The following CRKL variants were observed in gnomAD, a reference collection of about 807,000 sequenced individuals.
CRKL encodes crk-like protein.
A neutral mutation model predicts 23.0 loss-of-function variants in CRKL; 3 were observed. The observed-to-expected ratio is 0.13, with a 90% confidence interval of 0.06 to 0.34. CRKL has a LOEUF of 0.34. Ranked by LOEUF, CRKL falls within the 10% of genes least tolerant of loss-of-function variation. CRKL has a pLI of 1.00. For synonymous variants in CRKL, 188 were observed against 160.7 expected (o/e 1.17, Z -1.28); for missense variants, 256 against 394.5 (o/e 0.65, Z 2.97).
intron 2 of CRKL, among the ~76,000 whole-genome samples, chr22:20,945,436 C>G (rs895215555): frequency 2.0e-5 from 3 of 151,942 alleles, no homozygotes; most frequent in Non-Finnish European, 2.9e-5. Flanking sequence ...TTCCAAAAGC[C>G]CACATACTCT....
At position 20,953,450 on chromosome 22, in the gene CRKL, A is replaced by G; in HGVS notation, c.*3605A>G. Reference sequence around the variant, plus strand: ...AACAACAACAACAACAACAACAACAACATAAAACTCTTTTGACCTGTAACT... The same window carrying G: ...AACAACAACAACAACAACAACAACAGCATAAAACTCTTTTGACCTGTAACT... On this transcript the variant is annotated 3_prime_UTR_variant, in exon 3 of 3. Coordinates refer to ENST00000354336, the MANE Select transcript of CRKL (RefSeq NM_005207.4). The G allele has an allele frequency of 4.6e-6, 1 of 216,088 alleles. No individual in the cohort carries two copies. Among genetic ancestry groups the G allele is most frequent in the Non-Finnish European group, 9.1e-6 (1 of 109,308 alleles). 13.4% of individuals were successfully genotyped at this position (216,088 alleles called of 1,614,324 possible).
chr22:20,925,186 C>CA (rs11451684), intron 1 of CRKL, among the ~76,000 whole-genome samples: 62,996 of 100,988 alleles, frequency 0.62, 19,812 homozygotes, highest in South Asian at 0.79. Flanking sequence ...GACTCCGTCT[C>CA]AAAAAAAAAA....
rs561130450 is a variant in CRKL, at chr22:20,952,119, G to T, written c.*2274G>T. On this transcript the variant is annotated 3_prime_UTR_variant, in exon 3 of 3. Coordinates refer to ENST00000354336, the MANE Select transcript of CRKL (RefSeq NM_005207.4). ...CCATGAGTGGAGTTTCCAACAGAGG[G>T]AGGAATGTGTGCCTTGTTCAAGGAG... 1.7e-4 allele frequency: 39 copies of T among 227,042 alleles called. No homozygotes were observed. Among genetic ancestry groups the T allele is most frequent in the African/African-American group, 8.2e-4 (36 of 43,790 alleles). The allele number at this position is 227,042 out of a possible 1,614,324, so 14.1% of individuals were successfully genotyped here.
rs1055381400 is a variant in CRKL at position 20,950,294 on chromosome 22, A to C, written c.*449A>C. On this transcript the variant is annotated 3_prime_UTR_variant, in exon 3 of 3. Transcript: ENST00000354336. ...GACAACAGGAAGTGAACCTTAAGGA[A>C]GAGAGAATTCTGTTCTAAAACTCCA... 1 of 234,676 alleles carries C rather than the reference A, an allele frequency of 4.3e-6. No homozygotes were observed. Among genetic ancestry groups the C allele is most frequent in the African/African-American group, 2.2e-5 (1 of 45,224 alleles). The allele number at this position is 234,676 out of a possible 1,614,324, so 14.5% of individuals were successfully genotyped here. A position where few individuals can be genotyped will look rare whatever the true frequency, so the allele number is the denominator to read the frequency against.
intron 1 of CRKL, among the ~76,000 whole-genome samples, chr22:20,932,647 C>G (rs1921497108): frequency 6.6e-6 from 1 of 151,418 alleles, no homozygotes; most frequent in Non-Finnish European, 1.5e-5. Context: ...CAAAAGGTTT[C>G]TGTAAAACAG....
chr22:20,931,843 G>A (rs1921465427), intron 1 of CRKL, among the ~76,000 whole-genome samples: 2 of 151,630 alleles, frequency 1.3e-5, no homozygotes, highest in African/African-American at 4.9e-5. Flanking sequence ...ACGGAGTCTC[G>A]CTCTGTCACC....
chr22:20,936,145 G>A (rs1921651681), intron 2 of CRKL, among the ~76,000 whole-genome samples: 1 of 152,138 alleles, frequency 6.6e-6, no homozygotes, highest in Admixed American at 6.5e-5. Context: ...GGGCAATAGG[G>A]TGAGACCCTA....
intron 1 of CRKL, among the ~76,000 whole-genome samples, chr22:20,930,826 G>A (rs1002914533): frequency 8.6e-5 from 13 of 151,422 alleles, no homozygotes; most frequent in South Asian, 4.2e-4. Flanking sequence ...GACTACAGGC[G>A]TGTGCCACCA....
chr22:20,941,536 T>TCA (rs1921870752), intron 2 of CRKL, among the ~76,000 whole-genome samples: 1 of 80,694 alleles, frequency 1.2e-5, no homozygotes, highest in Non-Finnish European at 2.6e-5. Flanking sequence ...TATATATATT[T>TCA]TATGTGTGTG....
intron 2 of CRKL, among the ~76,000 whole-genome samples, chr22:20,939,242 T>C (rs1238625983): frequency 1.6e-5 from 2 of 124,554 alleles, no homozygotes; most frequent in East Asian, 2.2e-4. Context: ...GCTTTTTTTT[T>C]TTTTTTTTTT....
chr22:20,931,358 G>T (rs1921446462), intron 1 of CRKL, among the ~76,000 whole-genome samples: 3 of 152,152 alleles, frequency 2.0e-5, no homozygotes, highest in Admixed American at 2.0e-4. Context: ...AGTGAGCTGT[G>T]GTTGTGCCAC....
chr22:20,923,807 A>G (rs1921083857), intron 1 of CRKL, among the ~76,000 whole-genome samples: 1 of 140,042 alleles, frequency 7.1e-6, no homozygotes, highest in Non-Finnish European at 1.5e-5. Context: ...CTGTCTCTTG[A>G]CCTCAGGGGA....
intron 2 of CRKL, among the ~76,000 whole-genome samples, chr22:20,946,823 G>A (rs982363236): frequency 3.3e-5 from 5 of 152,132 alleles, no homozygotes; most frequent in Non-Finnish European, 7.4e-5. Context: ...ACCAGAATAG[G>A]GAGTGATGAG....
In CRKL at chr22:20,918,180, G is replaced by A. The variant is rs748773571; in HGVS notation, c.246G>A (p.Pro82=). 1.9e-6 allele frequency: 3 copies of A among 1,614,092 alleles called. No individual in the cohort carries two copies. Among genetic ancestry groups the A allele is most frequent in the Non-Finnish European group, 1.7e-6 (2 of 1,180,020 alleles). ...KIGDQEFDHL[P]ALLEFYKIHY... is the part of the protein sequence containing the mutation. The stretch of plus-strand genomic sequence containing the variant: ...GGGACCAGGAATTTGACCATTTGCC[G>A]GCCCTGCTGGAGTTTTACAAGATCC... The change falls in exon 1 of 3, where the codon CCG becomes CCA. Residue 82 remains proline, a synonymous_variant. Transcript: ENST00000354336.
chr22:20,917,691 C>A lies in CRKL; in HGVS notation c.-244C>A. The A allele has an allele frequency of 1.9e-6, 1 of 537,380 alleles. No individual in the cohort carries two copies. The highest frequency in any genetic ancestry group is 3.3e-6 in the Non-Finnish European group (1 of 307,528). The allele number at this position is 537,380 out of a possible 1,614,324, so 33.3% of individuals were successfully genotyped here. On this transcript the variant is annotated 5_prime_UTR_variant, in exon 1 of 3. Transcript: ENST00000354336. ...CGGCTCGGGTTTGCCTGCCCCGACC[C>A]CCCGGCTCTGCCGTGCATTCCCGGG...
rs1309462659 is a variant in CRKL, at chr22:20,952,656, C to G, written c.*2811C>G. 1.3e-5 allele frequency: 3 copies of G among 232,330 alleles called. No individual in the cohort carries two copies. The highest frequency in any genetic ancestry group is 6.6e-5 in the African/African-American group (3 of 45,280). 14.4% of individuals were successfully genotyped at this position (232,330 alleles called of 1,614,324 possible). On this transcript the variant is annotated 3_prime_UTR_variant, in exon 3 of 3. Transcript: ENST00000354336. ...ACATCTGACCCAGAGGGTGGGTGTT[C>G]ATAACTGCTACTTGCTCTGCTCTAC...
Position 20,950,099 on chromosome 22 carries a change from C to G in CRKL, c.*254C>G. On this transcript the variant is annotated 3_prime_UTR_variant, in exon 3 of 3. Transcript: ENST00000354336. ...TAAACTGGAAATACTGATGGAAGCA[C>G]ACAAGTGGAGAGAAGTTGACATGGA... 2.2e-6 allele frequency: 1 copy of G among 463,678 alleles called. No individual in the cohort carries two copies. Among genetic ancestry groups the G allele is most frequent in the South Asian group, 3.3e-5 (1 of 30,028 alleles). 28.7% of individuals were successfully genotyped at this position (463,678 alleles called of 1,614,324 possible). A position where few individuals can be genotyped will look rare whatever the true frequency, so the allele number is the denominator to read the frequency against.
At chr22:20,940,259 C>T (rs1357181437) in intron 2 of CRKL, among the ~76,000 whole-genome samples, 1 of 152,100 alleles carries the variant, frequency 6.6e-6, no homozygotes, top group African/African-American at 2.4e-5. Context: ...GTTGATCTGG[C>T]GTGACTTGTT....
At chr22:20,922,084 C>T (rs1601672620) in intron 1 of CRKL, among the ~76,000 whole-genome samples, 1 of 144,154 alleles carries the variant, frequency 6.9e-6, no homozygotes, top group African/African-American at 2.6e-5. Flanking sequence ...CCAATCTCGG[C>T]TCACTGCAAC....
Sources: gnomAD v4.1 joint callset for allele counts (sites outside exome capture counted in the v4.1 genomes callset) on GRCh38, gnomAD v4.1.1 for gene constraint, MANE v1.5 for transcripts, NCBI Gene and HGNC (gene_info 2026-07-23, HGNC 2026-07-21) for gene names.